The following IMMP1L variants were observed in gnomAD, a reference collection of about 807,000 sequenced individuals.
The protein encoded by IMMP1L is inner mitochondrial membrane peptidase subunit 1, also known as mitochondrial inner membrane protease subunit 1.
A neutral mutation model predicts 21.8 loss-of-function variants in IMMP1L; 24 were observed. That is an observed-to-expected ratio of 1.10 (90% confidence interval 0.80 to 1.55). IMMP1L has a LOEUF of 1.55. IMMP1L is among the 40% of genes most tolerant of loss of function. IMMP1L has a pLI of 0.00. For missense variants in IMMP1L, 195 were observed against 200.7 expected (o/e 0.97, Z 0.17); for synonymous variants, 46 against 62.8 (o/e 0.73, Z 1.26).
chr11:31,445,562 A>G (rs1054156978), intron 4 of IMMP1L, among the ~76,000 whole-genome samples: 1 of 152,210 alleles, frequency 6.6e-6, no homozygotes, highest in Non-Finnish European at 1.5e-5. Context: ...TTACTGATGC[A>G]TTTTTTTAAA....
At chr11:31,498,378 G>C (rs913822623) in intron 1 of IMMP1L, among the ~76,000 whole-genome samples, 55 of 152,146 alleles carry the variant, frequency 3.6e-4, no homozygotes, top group African/African-American at 1.3e-3. Context: ...CTTTAATCTG[G>C]GTTGAAACTG....
chr11:31,507,918 T>C (rs767902538), intron 1 of IMMP1L, among the ~76,000 whole-genome samples: 5 of 152,164 alleles, frequency 3.3e-5, no homozygotes, highest in South Asian at 2.1e-4. Context: ...ATACACTTCA[T>C]AGCATCATGA....
chr11:31,499,008 A>G (rs1955536335), intron 1 of IMMP1L, among the ~76,000 whole-genome samples: 1 of 152,228 alleles, frequency 6.6e-6, no homozygotes, highest in African/African-American at 2.4e-5. Context: ...TTTGATTCAA[A>G]TATCATGCCT....
intron 4 of IMMP1L, chr11:31,452,354 G>T: frequency 1.0e-6 from 1 of 985,010 alleles, no homozygotes; most frequent in Non-Finnish European, 1.2e-6. Flanking sequence ...CTTTTAATTG[G>T]CTTTATAACA....
chr11:31,437,654 C>T (rs1219535115), intron 4 of IMMP1L, among the ~76,000 whole-genome samples: 1 of 152,116 alleles, frequency 6.6e-6, no homozygotes, highest in East Asian at 1.9e-4. Context: ...TTTTGACACA[C>T]GTTTTGAAAA....
chr11:31,457,524 A>G (rs1953987631), intron 3 of IMMP1L, among the ~76,000 whole-genome samples: 1 of 152,236 alleles, frequency 6.6e-6, no homozygotes, highest in Admixed American at 6.5e-5. Context: ...TGTCAAAATA[A>G]TATTAAAAGT....
rs183881673 is a variant in IMMP1L, at chr11:31,438,446, G to A, written c.322-4876C>T. Among the ~76,000 whole-genome samples the A allele has an allele frequency of 8.9e-4, 135 of 152,168 alleles. 1 individual carries two copies. Among genetic ancestry groups the A allele is most frequent in the Admixed American group, 3.3e-3 (51 of 15,288 alleles). On this transcript the variant is annotated intron_variant, in intron 4 of 5. Transcript: ENST00000532287. ...TGGATACAAGTCCTTTGATGGGATT[G>A]CAAATATTTTCTCCCAGGCTGCATC...
At chr11:31,461,820 G>A (rs1954149833) in intron 2 of IMMP1L, among the ~76,000 whole-genome samples, 1 of 152,048 alleles carries the variant, frequency 6.6e-6, no homozygotes, top group Non-Finnish European at 1.5e-5. Context: ...TTTCAGATAA[G>A]GGATACTCAA....
chr11:31,456,432 A>C, intron 3 of IMMP1L, 46 bp from the exon 4 acceptor site: 9 of 1,507,334 alleles, frequency 6.0e-6, no homozygotes, highest in Non-Finnish European at 7.3e-6. Context: ...TTATTAAGCA[A>C]AAACACATGC....
chr11:31,441,538 C>T (rs1462308910), intron 4 of IMMP1L, among the ~76,000 whole-genome samples: 1 of 151,936 alleles, frequency 6.6e-6, no homozygotes, highest in Non-Finnish European at 1.5e-5. Context: ...TGGTTTGGGT[C>T]TGAAACACAA....
At chr11:31,451,915 G>GA (rs1445329824) in intron 4 of IMMP1L, among the ~76,000 whole-genome samples, 2 of 151,944 alleles carry the variant, frequency 1.3e-5, no homozygotes, top group Non-Finnish European at 2.9e-5. Context: ...AGAAAGATAG[G>GA]AAAAAAACCT....
At chr11:31,461,813 C>T (rs1224846620) in intron 2 of IMMP1L, among the ~76,000 whole-genome samples, 2 of 152,088 alleles carry the variant, frequency 1.3e-5, no homozygotes, top group African/African-American at 4.8e-5. Context: ...CCAAGCATTT[C>T]AGATAAGGGA....
At chr11:31,490,110 T>C (rs1955206447) in intron 1 of IMMP1L, among the ~76,000 whole-genome samples, 1 of 152,154 alleles carries the variant, frequency 6.6e-6, no homozygotes, top group African/African-American at 2.4e-5. Flanking sequence ...GAGTAAATAT[T>C]GAGTAACCAA....
intron 1 of IMMP1L, among the ~76,000 whole-genome samples, chr11:31,484,362 C>A (rs1390120467): frequency 6.6e-6 from 1 of 151,738 alleles, no homozygotes; most frequent in Non-Finnish European, 1.5e-5. Flanking sequence ...ACAAAAAGTA[C>A]CTTACTGTAC....
At chr11:31,499,147 G>A (rs1468254755) in intron 1 of IMMP1L, among the ~76,000 whole-genome samples, 4 of 152,224 alleles carry the variant, frequency 2.6e-5, no homozygotes, top group East Asian at 3.9e-4. Context: ...CACGGATCAC[G>A]AGGTCAGGAG....
At chr11:31,454,154 C>T (rs945175546) in intron 4 of IMMP1L, among the ~76,000 whole-genome samples, 20 of 152,076 alleles carry the variant, frequency 1.3e-4, no homozygotes, top group Non-Finnish European at 2.4e-4. Context: ...GTACTGTATA[C>T]TTATAAATTT....
chr11:31,495,230 C>G (rs1312378493), intron 1 of IMMP1L, among the ~76,000 whole-genome samples: 1 of 152,214 alleles, frequency 6.6e-6, no homozygotes, highest in Non-Finnish European at 1.5e-5. Flanking sequence ...CCAAGAAGTT[C>G]CAAACTTTCC....
chr11:31,471,027 G>C (rs1453340115), intron 1 of IMMP1L, among the ~76,000 whole-genome samples: 1 of 152,172 alleles, frequency 6.6e-6, no homozygotes, highest in South Asian at 2.1e-4. Context: ...CTATATAGGA[G>C]AAATAAGTTC....
chr11:31,449,992 C>G (rs1161618462), intron 4 of IMMP1L, among the ~76,000 whole-genome samples: 2 of 152,080 alleles, frequency 1.3e-5, no homozygotes, highest in African/African-American at 2.4e-5. Flanking sequence ...ATTCTCAATA[C>G]AGGGTAGCTA....
Sources: allele counts gnomAD v4.1 joint callset (sites outside exome capture counted in the v4.1 genomes callset), GRCh38; gene constraint gnomAD v4.1.1; transcripts MANE v1.5; gene names NCBI Gene and HGNC (gene_info 2026-07-23, HGNC 2026-07-21).